Variants in CADPS observed in about 807,000 individuals in gnomAD.
CADPS encodes calcium-dependent secretion activator 1.
CADPS carries 57 observed loss-of-function variants against 167.3 expected under a neutral mutation model. The observed-to-expected ratio is 0.34, with a 90% CI of 0.28 to 0.42. CADPS has a LOEUF of 0.42. Ranked by LOEUF, CADPS falls within the 20% of genes least tolerant of loss-of-function variation. The probability of loss-of-function intolerance (pLI) is 1.00; values close to 1 mark genes in which losing one functional copy is unlikely to be tolerated. For synonymous variants in CADPS, 676 were observed against 635.3 expected, an observed-to-expected ratio of 1.06 and a Z score of -0.96; for missense variants, 1,414 against 1,738.1, an observed-to-expected ratio of 0.81 and a Z score of 3.32.
chr3:62,657,582 C>A (rs1212850810), intron 4 of CADPS, among the ~76,000 whole-genome samples: 1 of 152,130 alleles, frequency 6.6e-6, no homozygotes, highest in African/African-American at 2.4e-5. Context: ...AATGTTTGAG[C>A]AGGGATTACC....
intron 3 of CADPS, among the ~76,000 whole-genome samples, chr3:62,681,532 T>G (rs2077158088): frequency 6.6e-6 from 1 of 152,044 alleles, no homozygotes; most frequent in Admixed American, 6.6e-5. Context: ...TCTATCTTGA[T>G]GTTATTATTT....
chr3:62,676,460 G>A (rs1020945982), intron 3 of CADPS, among the ~76,000 whole-genome samples: 9 of 151,984 alleles, frequency 5.9e-5, no homozygotes, highest in African/African-American at 1.7e-4. Context: ...CATCATTATC[G>A]ACTCAGTTGA....
At chr3:62,618,580 T>C (rs2062697036) in intron 6 of CADPS, among the ~76,000 whole-genome samples, 1 of 152,210 alleles carries the variant, frequency 6.6e-6, no homozygotes, top group South Asian at 2.1e-4. Context: ...TCCGTATTTC[T>C]TCACCTGACT....
intron 9 of CADPS, among the ~76,000 whole-genome samples, chr3:62,557,896 A>C (rs2078450548): frequency 1.3e-5 from 2 of 152,110 alleles, no homozygotes; most frequent in Non-Finnish European, 2.9e-5. Context: ...AAAGTGGTTA[A>C]ACGACAGCAA....
intron 1 of CADPS, among the ~76,000 whole-genome samples, chr3:62,799,640 G>A (rs776087396): frequency 1.3e-5 from 2 of 152,132 alleles, no homozygotes; most frequent in African/African-American, 2.4e-5. Flanking sequence ...CCCTGGGGCA[G>A]TTGCTTAACC....
intron 18 of CADPS, among the ~76,000 whole-genome samples, chr3:62,497,971 T>C (rs1159336617): frequency 6.6e-6 from 1 of 152,114 alleles, no homozygotes; most frequent in Non-Finnish European, 1.5e-5. Flanking sequence ...ACATTGACCC[T>C]GCCGTGGAGG....
rs148705002 is a variant in CADPS, at chr3:62,554,878, G to T, written c.1753+2527C>A. On this transcript the variant is annotated intron_variant, in intron 10 of 29. Coordinates refer to ENST00000383710, the MANE Select transcript of CADPS (RefSeq NM_003716.4). ...AGCGATTCTCCTGCTTCAGCCTCCC[G>T]AGTAGCTCGGATTACAGGTGCGTGC... 5.8e-3 allele frequency among the ~76,000 whole-genome samples: 875 copies of T among 152,078 alleles called. 4 individuals carry two copies. The highest frequency in any genetic ancestry group is 0.019 in the African/African-American group (800 of 41,452).
chr3:62,599,041 G>C (rs2059313718), intron 6 of CADPS, among the ~76,000 whole-genome samples: 2 of 152,196 alleles, frequency 1.3e-5, no homozygotes, highest in South Asian at 4.1e-4. Flanking sequence ...TTTGTTCTCT[G>C]CTCATTTCTT....
intron 1 of CADPS, among the ~76,000 whole-genome samples, chr3:62,813,168 GC>G (rs2094462881): frequency 6.6e-6 from 1 of 151,926 alleles, no homozygotes; most frequent in Non-Finnish European, 1.5e-5. Context: ...GCAATACTAA[GC>G]AAAAAGAGTA....
chr3:62,768,710 T>C (rs1441188244), intron 1 of CADPS, among the ~76,000 whole-genome samples: 1 of 152,054 alleles, frequency 6.6e-6, no homozygotes, highest in Non-Finnish European at 1.5e-5. Flanking sequence ...ATAGTCTAGG[T>C]GGAGAGGAAA....
intron 23 of CADPS, among the ~76,000 whole-genome samples, chr3:62,477,267 A>G (rs1458804694): frequency 6.6e-6 from 1 of 151,398 alleles, no homozygotes; most frequent in African/African-American, 2.4e-5. Context: ...CAACCAAGCT[A>G]CACAACATCT....
chr3:62,571,853 C>G (rs903012855), intron 8 of CADPS, among the ~76,000 whole-genome samples: 2 of 152,164 alleles, frequency 1.3e-5, no homozygotes, highest in Non-Finnish European at 2.9e-5. Context: ...CGTGAGCCAC[C>G]GTGCCTGGCG....
intron 11 of CADPS, among the ~76,000 whole-genome samples, chr3:62,541,344 C>A (rs1428913766): frequency 6.6e-6 from 1 of 152,106 alleles, no homozygotes; most frequent in South Asian, 2.1e-4. Context: ...GCAAACATTG[C>A]TACCTGTTTC....
intron 9 of CADPS, among the ~76,000 whole-genome samples, chr3:62,565,517 C>G (rs1317479932): frequency 6.6e-6 from 1 of 152,102 alleles, no homozygotes; most frequent in Admixed American, 6.6e-5. Context: ...TACTGGGCCC[C>G]ACCCCAGACT....
intron 9 of CADPS, among the ~76,000 whole-genome samples, chr3:62,566,661 T>C (rs910806436): frequency 2.0e-5 from 3 of 152,152 alleles, no homozygotes; most frequent in Admixed American, 6.6e-5. Flanking sequence ...CTTTTAGATA[T>C]TGTTGTGGTG....
rs1553689817 is a variant in CADPS at position 62,794,793 on chromosome 3, A to AAAAAAAAAAAG, written c.442-28810_442-28809insCTTTTTTTTTT. Among the ~76,000 whole-genome samples, 72 of 136,694 alleles carry AAAAAAAAAAAG rather than the reference A, an allele frequency of 5.3e-4. 2 individuals are homozygous for AAAAAAAAAAAG. Among genetic ancestry groups the AAAAAAAAAAAG allele is most frequent in the African/African-American group, 1.8e-3 (52 of 28,636 alleles). 89.7% of individuals were successfully genotyped at this position (136,694 alleles called of 152,430 possible). A position where few individuals can be genotyped will look rare whatever the true frequency, so the allele number is the denominator to read the frequency against. ...CGCAAGGTGGTAAAAAAAAAAAAAA[A>AAAAAAAAAAAG]AAAAAAAAAATGCAAGAGCTCTTCC... On this transcript the variant is annotated intron_variant, in intron 1 of 29. Coordinates refer to ENST00000383710, the MANE Select transcript of CADPS (RefSeq NM_003716.4).
chr3:62,696,297 G>A (rs1279954495), intron 3 of CADPS, among the ~76,000 whole-genome samples: 1 of 152,086 alleles, frequency 6.6e-6, no homozygotes, highest in Admixed American at 6.5e-5. Flanking sequence ...GCTCCTTCCT[G>A]GTTTCTTCTT....
intron 1 of CADPS, among the ~76,000 whole-genome samples, chr3:62,808,801 C>G (rs1342300996): frequency 6.6e-6 from 1 of 152,146 alleles, no homozygotes; most frequent in Non-Finnish European, 1.5e-5. Flanking sequence ...GCACTAGACT[C>G]TTAGATCCAA....
intron 1 of CADPS, among the ~76,000 whole-genome samples, chr3:62,790,066 G>A (rs571612408): frequency 1.3e-5 from 2 of 151,976 alleles, no homozygotes; most frequent in Non-Finnish European, 2.9e-5. Flanking sequence ...TCATCAGAAG[G>A]CTTAAAATTC....
Sources: allele counts gnomAD v4.1 joint callset (sites outside exome capture counted in the v4.1 genomes callset), GRCh38; gene constraint gnomAD v4.1.1; transcripts MANE v1.5; gene names NCBI Gene and HGNC (gene_info 2026-07-23, HGNC 2026-07-21).